Variants in CNTNAP2 observed in about 807,000 individuals in gnomAD.
CNTNAP2 encodes the protein contactin associated protein 2.
Under a neutral mutation model 155.2 loss-of-function variants are expected in CNTNAP2, and 98 were observed. The ratio of observed to expected loss-of-function variants is 0.63; its 90% confidence interval spans 0.54 to 0.75. CNTNAP2 has a LOEUF of 0.75. Ranked by LOEUF, CNTNAP2 falls within the 30% of genes least tolerant of loss-of-function variation. CNTNAP2 has a pLI of 0.00. For missense variants in CNTNAP2, 1,727 were observed against 1,688.1 expected (o/e 1.02, Z -0.40); for synonymous variants, 651 against 631.2 (o/e 1.03, Z -0.47).
intron 14 of CNTNAP2, among the ~76,000 whole-genome samples, chr7:147,940,455 A>G (rs10808047): frequency 0.97 from 146,898 of 152,056 alleles, 71,095 homozygotes; most frequent in Middle Eastern, 1. Context: ...CGATCAATAC[A>G]ATCTTCAAAC....
At chr7:147,495,401 G>A (rs1798686470) in intron 11 of CNTNAP2, among the ~76,000 whole-genome samples, 1 of 152,114 alleles carries the variant, frequency 6.6e-6, no homozygotes, top group African/African-American at 2.4e-5. Context: ...TTTATGCTAG[G>A]GAAATTGACA....
At chr7:147,811,096 T>C (rs1269817807) in intron 13 of CNTNAP2, among the ~76,000 whole-genome samples, 1 of 152,134 alleles carries the variant, frequency 6.6e-6, no homozygotes, top group Non-Finnish European at 1.5e-5. Context: ...GGGGGTTGTG[T>C]TCATTTGTTT....
intron 3 of CNTNAP2, among the ~76,000 whole-genome samples, chr7:147,031,160 A>G (rs1524347): frequency 0.15 from 22,229 of 152,146 alleles, 2,001 homozygotes; most frequent in South Asian, 0.29. Flanking sequence ...TATTTAACAT[A>G]TCACAAAATG....
chr7:147,126,293 A>G (rs1263601976), intron 6 of CNTNAP2, among the ~76,000 whole-genome samples: 3 of 152,102 alleles, frequency 2.0e-5, no homozygotes, highest in African/African-American at 7.2e-5. Flanking sequence ...TACTGCAGTT[A>G]TTTCTTTAGA....
chr7:147,548,715 T>C (rs984614589), intron 11 of CNTNAP2, among the ~76,000 whole-genome samples: 1 of 152,226 alleles, frequency 6.6e-6, no homozygotes, highest in Non-Finnish European at 1.5e-5. Context: ...GCATAGGTTT[T>C]CTTCTAGGGT....
rs375965233 is a variant in CNTNAP2, at chr7:148,409,099, G to A, written c.3716-292G>A. 2.0e-3 allele frequency among the ~76,000 whole-genome samples: 303 copies of A among 152,284 alleles called. 1 individual carries two copies. The highest frequency in any genetic ancestry group is 6.2e-3 in the African/African-American group (256 of 41,550). On this transcript the variant is annotated intron_variant, in intron 22 of 23. Coordinates refer to ENST00000361727, the MANE Select transcript of CNTNAP2 (RefSeq NM_014141.6). Reference sequence around the variant, plus strand: ...GAAACATATTCAAATGCATAAACTCGTCTGTCTGTGGAACTAGAGCAGGCC... The same window carrying A: ...GAAACATATTCAAATGCATAAACTCATCTGTCTGTGGAACTAGAGCAGGCC...
rs1235693511 is a variant in CNTNAP2, at chr7:146,856,277, GATAGATAGATAGATAGATAGATAC to G, written c.402+16377_402+16400del. Reference sequence around the variant, plus strand: ...GATGATAGATATAGATAGATAGATAGATAGATAGATAGATAGATAGATACATACATACATACATACATACATACA... The same window carrying G: ...GATGATAGATATAGATAGATAGATAGATACATACATACATACATACATACA... On this transcript the variant is annotated intron_variant, in intron 3 of 23. Transcript: ENST00000361727. Among the ~76,000 whole-genome samples, 500 of 73,320 alleles carry G rather than the reference GATAGATAGATAGATAGATAGATAC, an allele frequency of 6.8e-3. 5 individuals carry two copies. The highest frequency in any genetic ancestry group is 0.022 in the African/African-American group (464 of 21,120). The allele number at this position is 73,320 out of a possible 152,430, so 48.1% of individuals were successfully genotyped here. A position where few individuals can be genotyped will look rare whatever the true frequency, so the allele number is the denominator to read the frequency against.
chr7:146,642,488 T>G (rs1347901816), intron 1 of CNTNAP2, among the ~76,000 whole-genome samples: 1 of 151,946 alleles, frequency 6.6e-6, no homozygotes, highest in Non-Finnish European at 1.5e-5. Flanking sequence ...GGACATGAAC[T>G]CATCATTTCT....
chr7:146,744,581 A>C (rs1248771267), intron 1 of CNTNAP2, among the ~76,000 whole-genome samples: 1 of 152,198 alleles, frequency 6.6e-6, no homozygotes, highest in African/African-American at 2.4e-5. Context: ...GCATTGCTTG[A>C]AAATGGAGTT....
At chr7:146,932,133 A>G (rs1463863970) in intron 3 of CNTNAP2, among the ~76,000 whole-genome samples, 1 of 152,096 alleles carries the variant, frequency 6.6e-6, no homozygotes, top group Non-Finnish European at 1.5e-5. Context: ...AGACACAACC[A>G]AAAAAGAGAA....
At chr7:148,001,937 A>G (rs1278273587) in intron 15 of CNTNAP2, among the ~76,000 whole-genome samples, 1 of 152,120 alleles carries the variant, frequency 6.6e-6, no homozygotes, top group Non-Finnish European at 1.5e-5. Context: ...CTTATATTTT[A>G]TGGTTTTCCA....
At chr7:148,100,544 C>T (rs1324906156) in intron 15 of CNTNAP2, among the ~76,000 whole-genome samples, 1 of 152,186 alleles carries the variant, frequency 6.6e-6, no homozygotes, top group African/African-American at 2.4e-5. Flanking sequence ...ATTACTTTTG[C>T]ACCAACCTAA....
chr7:146,719,447 G>A (rs531484510), intron 1 of CNTNAP2, among the ~76,000 whole-genome samples: 34 of 152,180 alleles, frequency 2.2e-4, no homozygotes, highest in Non-Finnish European at 4.3e-4. Flanking sequence ...CTTCAAATTA[G>A]TGAATCGAAA....
intron 15 of CNTNAP2, among the ~76,000 whole-genome samples, chr7:148,094,916 T>C (rs2116570071): frequency 6.6e-6 from 1 of 152,200 alleles, no homozygotes; most frequent in East Asian, 1.9e-4. Context: ...AGATAAATGA[T>C]ACACAGAGAG....
chr7:148,289,962 C>T (rs1051741689), intron 21 of CNTNAP2, among the ~76,000 whole-genome samples: 2 of 152,270 alleles, frequency 1.3e-5, no homozygotes, highest in South Asian at 2.1e-4. Flanking sequence ...TTTTAAATAG[C>T]TTCCTTAATA....
At chr7:147,517,643 G>A (rs7801429) in intron 11 of CNTNAP2, among the ~76,000 whole-genome samples, 2,281 of 152,234 alleles carry the variant, frequency 0.015, 70 homozygotes, top group African/African-American at 0.052. Context: ...AGATTCATTC[G>A]CACATATGTA....
intron 22 of CNTNAP2, among the ~76,000 whole-genome samples, chr7:148,393,053 G>A (rs1020754576): frequency 2.0e-5 from 3 of 151,630 alleles, no homozygotes; most frequent in Admixed American, 2.0e-4. Context: ...TCTATCATCT[G>A]GCCATAAAAT....
chr7:147,255,945 T>C (rs903535959), intron 8 of CNTNAP2, among the ~76,000 whole-genome samples: 1 of 152,024 alleles, frequency 6.6e-6, no homozygotes, highest in Non-Finnish European at 1.5e-5. Context: ...TTCACTACAT[T>C]GGCCAGGCTG....
Position 147,611,830 on chromosome 7 carries a change from C to A in CNTNAP2, c.1898-27276C>A, listed in dbSNP as rs1289368075. Among the ~76,000 whole-genome samples the A allele has an allele frequency of 2.0e-5, 3 of 152,164 alleles. No individual in the cohort carries two copies. In the East Asian group the frequency reaches 5.8e-4, roughly 29 times the overall value. On this transcript the variant is annotated intron_variant, in intron 12 of 23. Transcript: ENST00000361727. ...TGGCATTATGGAATGCCTCAAACTA[C>A]CACAGCGTGCTGTGGTGAGATGCCT... is the stretch of plus-strand genomic sequence containing the variant.
Sources: gnomAD v4.1 joint callset for allele counts (sites outside exome capture counted in the v4.1 genomes callset) on GRCh38, gnomAD v4.1.1 for gene constraint, MANE v1.5 for transcripts, NCBI Gene and HGNC (gene_info 2026-07-23, HGNC 2026-07-21) for gene names.